The following NUP210L variants were observed in gnomAD, a reference collection of about 807,000 sequenced individuals.
NUP210L encodes the protein nucleoporin 210 like.
A neutral mutation model predicts 208.5 loss-of-function variants in NUP210L; 74 were observed. That is an observed-to-expected ratio of 0.35 (90% CI 0.29 to 0.43). The LOEUF is 0.43. Ranked by LOEUF, NUP210L falls within the 20% of genes least tolerant of loss-of-function variation. NUP210L has a pLI of 1.00. For synonymous variants in NUP210L, 780 were observed against 816.9 expected (o/e 0.95, Z 0.77); for missense variants, 1,843 against 2,289.4 (o/e 0.81, Z 3.98).
At chr1:154,054,076 T>C in intron 25 of NUP210L, 152 bp downstream of exon 25, 1 of 672,458 alleles carries the variant, frequency 1.5e-6, no homozygotes, top group Non-Finnish European at 2.5e-6. Flanking sequence ...AAGATGACAT[T>C]TTCCATGCCT....
chr1:154,075,277 C>T (rs1654974094), intron 16 of NUP210L, among the ~76,000 whole-genome samples: 1 of 152,102 alleles, frequency 6.6e-6, no homozygotes, highest in Non-Finnish European at 1.5e-5. Flanking sequence ...TAAAACATGT[C>T]TCTAAGCTCT....
chr1:153,999,571 CTACAAAAA>C (rs1650088077), intron 37 of NUP210L, among the ~76,000 whole-genome samples: 1 of 151,794 alleles, frequency 6.6e-6, no homozygotes. Flanking sequence ...AACCCCATTT[CTACAAAAA>C]TACAAAAATT....
intron 2 of NUP210L, among the ~76,000 whole-genome samples, chr1:154,152,441 G>C (rs1169594649): frequency 6.6e-6 from 1 of 151,518 alleles, no homozygotes; most frequent in Admixed American, 6.6e-5. Flanking sequence ...CCCAAAGTGG[G>C]GGGATTACAG....
chr1:154,117,367 G>T (rs1336125177), intron 12 of NUP210L, among the ~76,000 whole-genome samples: 1 of 152,102 alleles, frequency 6.6e-6, no homozygotes, highest in East Asian at 1.9e-4. Flanking sequence ...GATCACCTGA[G>T]GTCAGGAGTT....
In NUP210L at chr1:154,027,504, A is replaced by C. The variant is rs1651959510; in HGVS notation, c.3947+2T>G. On this transcript the variant is annotated splice_donor_variant, in intron 29 of 39. Transcript: ENST00000368559. LOFTEE classifies it high-confidence loss of function. ...CACTTCCTTATTCTCCCTTTTCCTT[A>C]CCTGTTGGTATGGAGTTTGAGCTGA... The C allele has an allele frequency of 1.3e-6, 2 of 1,599,354 alleles. No homozygotes were observed. The highest frequency in any genetic ancestry group is 1.7e-6 in the Non-Finnish European group (2 of 1,167,778).
intron 18 of NUP210L, 131 bp from the exon 19 acceptor site, chr1:154,061,177 A>G: frequency 1.7e-6 from 1 of 593,708 alleles, no homozygotes; most frequent in East Asian, 2.9e-5. Flanking sequence ...CAGGAGTTTG[A>G]GACCAGCTTG....
intron 2 of NUP210L, among the ~76,000 whole-genome samples, chr1:154,146,465 A>G (rs1469941667): frequency 6.6e-6 from 1 of 152,118 alleles, no homozygotes; most frequent in Non-Finnish European, 1.5e-5. Context: ...CCTCATATCT[A>G]CAAATAATAA....
At chr1:153,995,393 A>G (rs1484284438) in intron 37 of NUP210L, among the ~76,000 whole-genome samples, 1 of 152,216 alleles carries the variant, frequency 6.6e-6, no homozygotes, top group Non-Finnish European at 1.5e-5. Flanking sequence ...AGTATCTGCC[A>G]GAAGTATTCA....
At chr1:154,024,988 C>T (rs1006540894) in intron 30 of NUP210L, among the ~76,000 whole-genome samples, 4 of 126,130 alleles carry the variant, frequency 3.2e-5, no homozygotes, top group African/African-American at 9.2e-5. Context: ...AGTGCAGTGG[C>T]GTGATCTTGG....
chr1:154,052,880 G>A (rs1419089278), intron 25 of NUP210L, among the ~76,000 whole-genome samples: 6 of 152,226 alleles, frequency 3.9e-5, no homozygotes, highest in Non-Finnish European at 8.8e-5. Flanking sequence ...CCCAGTCTGT[G>A]TGCCATAGCC....
At chr1:154,061,751 C>G (rs905663325) in intron 17 of NUP210L, 77 bp from the exon 18 acceptor site, 1 of 905,554 alleles carries the variant, frequency 1.1e-6, no homozygotes, top group Non-Finnish European at 1.8e-6. Context: ...AAACCACATT[C>G]TGCCACAGTT....
intron 7 of NUP210L, among the ~76,000 whole-genome samples, chr1:154,133,902 C>A (rs966962156): frequency 6.6e-6 from 1 of 151,638 alleles, no homozygotes; most frequent in Non-Finnish European, 1.5e-5. Context: ...GTAATCCCAG[C>A]ACTGTGGAAG....
intron 10 of NUP210L, among the ~76,000 whole-genome samples, chr1:154,119,716 A>G (rs1007901540): frequency 6.6e-6 from 1 of 152,210 alleles, no homozygotes; most frequent in African/African-American, 2.4e-5. Flanking sequence ...TTCCCCACAT[A>G]TACTGAGGGA....
At chr1:153,998,496 G>T (rs1174151880) in intron 37 of NUP210L, among the ~76,000 whole-genome samples, 1 of 150,370 alleles carries the variant, frequency 6.7e-6, no homozygotes, top group Admixed American at 6.7e-5. Flanking sequence ...GGAGGTTGCA[G>T]TGAGCTGAGA....
At chr1:154,027,049 C>T (rs1237897012) in intron 29 of NUP210L, among the ~76,000 whole-genome samples, 17 of 132,994 alleles carry the variant, frequency 1.3e-4, no homozygotes, top group South Asian at 7.4e-4. Flanking sequence ...TGCCACTGTG[C>T]GCTGGCCTGG....
At chr1:154,054,709 T>A (rs146407641) in intron 24 of NUP210L, 61 bp downstream of exon 24, 411 of 1,031,856 alleles carry the variant, frequency 4.0e-4, no homozygotes, top group African/African-American at 3.8e-3. Flanking sequence ...TGTGTGTGTG[T>A]GAGAGAGAGA....
At chr1:154,061,717 G>A (rs544508965) in intron 17 of NUP210L, 43 bp from the exon 18 acceptor site, 47 of 1,183,774 alleles carry the variant, frequency 4.0e-5, no homozygotes, top group Non-Finnish European at 5.5e-5. Context: ...ACAATAACAT[G>A]TAGAATACGC....
chr1:154,092,071 ATTT>A (rs764216863), intron 15 of NUP210L, among the ~76,000 whole-genome samples: 3 of 124,604 alleles, frequency 2.4e-5, no homozygotes, highest in Non-Finnish European at 1.7e-5. Context: ...ATGGGGAGCC[ATTT>A]TTTTTTTTTT....
At chr1:154,131,251 A>G (rs1434420222) in intron 7 of NUP210L, among the ~76,000 whole-genome samples, 6 of 150,170 alleles carry the variant, frequency 4.0e-5, no homozygotes, top group Admixed American at 1.3e-4. Flanking sequence ...CAGCCCGGGC[A>G]ACAGAGCGAG....
Sources: gnomAD v4.1 joint callset for allele counts (sites outside exome capture counted in the v4.1 genomes callset) on GRCh38, gnomAD v4.1.1 for gene constraint, MANE v1.5 for transcripts, NCBI Gene and HGNC (gene_info 2026-07-23, HGNC 2026-07-21) for gene names.